ZMYND8: variants seen among roughly 807,000 people sequenced by gnomAD.
ZMYND8 encodes the protein zinc finger MYND-type containing 8, also known as MYND-type zinc finger-containing chromatin reader ZMYND8.
Under a neutral mutation model 140.8 loss-of-function variants are expected in ZMYND8, and 37 were observed. That is an observed-to-expected ratio of 0.26 (90% CI 0.20 to 0.35). ZMYND8 has a LOEUF of 0.35. Ranked by LOEUF, ZMYND8 falls within the 10% of genes least tolerant of loss-of-function variation. The pLI is 1.00. For missense variants in ZMYND8, 1,068 were observed against 1,570.0 expected (o/e 0.68, Z 5.40); for synonymous variants, 592 against 597.1 (o/e 0.99, Z 0.12).
At chr20:47,219,915 C>T (rs2036689999) in intron 21 of ZMYND8, among the ~76,000 whole-genome samples, 3 of 152,064 alleles carry the variant, frequency 2.0e-5, no homozygotes, top group Non-Finnish European at 2.9e-5. Context: ...TGTCATTTAC[C>T]GTTCTCATTT....
At chr20:47,302,852 T>C (rs2078169859) in intron 3 of ZMYND8, among the ~76,000 whole-genome samples, 1 of 152,142 alleles carries the variant, frequency 6.6e-6, no homozygotes, top group Admixed American at 6.6e-5. Flanking sequence ...ATAAGATGAC[T>C]ACTAAAAACC....
At chr20:47,334,705 G>A (rs1602033110) in intron 2 of ZMYND8, among the ~76,000 whole-genome samples, 1 of 151,602 alleles carries the variant, frequency 6.6e-6, no homozygotes, top group East Asian at 1.9e-4. Context: ...CACGTCCCAC[G>A]TTCAAGCAAT....
At chr20:47,212,537 G>T in intron 22 of ZMYND8, 105 bp downstream of exon 22, 6 of 1,308,938 alleles carry the variant, frequency 4.6e-6, no homozygotes, top group Non-Finnish European at 6.6e-6. Context: ...AAGAACAGGA[G>T]AAGACACACC....
chr20:47,348,299 T>G (rs1055410088), intron 1 of ZMYND8: 7 of 280,946 alleles, frequency 2.5e-5, no homozygotes, highest in South Asian at 1.8e-4. Context: ...AGGTTGGAGG[T>G]GTTTTGCAGG....
At chr20:47,228,700 T>C (rs557388963) in intron 17 of ZMYND8, among the ~76,000 whole-genome samples, 28 of 152,238 alleles carry the variant, frequency 1.8e-4, no homozygotes, top group Non-Finnish European at 2.6e-4. Context: ...CCAGGTTGCC[T>C]TCCTGAAGAT....
chr20:47,228,519 G>A (rs945209284), intron 17 of ZMYND8, among the ~76,000 whole-genome samples: 1 of 152,126 alleles, frequency 6.6e-6, no homozygotes, highest in Admixed American at 6.5e-5. Flanking sequence ...TTCTTACAAC[G>A]TATACAAACA....
chr20:47,301,819 T>C (rs760278819), intron 3 of ZMYND8, among the ~76,000 whole-genome samples: 1 of 152,184 alleles, frequency 6.6e-6, no homozygotes, highest in Non-Finnish European at 1.5e-5. Context: ...CACCCAAATC[T>C]CATCTTGAAT....
At chr20:47,313,492 G>T (rs1454076131) in intron 2 of ZMYND8, among the ~76,000 whole-genome samples, 1 of 151,828 alleles carries the variant, frequency 6.6e-6, no homozygotes. Context: ...CGTGGTGGCG[G>T]GCGCCTGTAG....
chr20:47,349,834 T>C (rs2082625853), intron 1 of ZMYND8: 6 of 1,525,740 alleles, frequency 3.9e-6, no homozygotes, highest in African/African-American at 3.1e-5. Flanking sequence ...GAAACAATTA[T>C]GCAGAACTGA....
intron 14 of ZMYND8, among the ~76,000 whole-genome samples, chr20:47,245,023 C>T (rs1481058408): frequency 6.6e-6 from 1 of 151,958 alleles, no homozygotes; most frequent in African/African-American, 2.4e-5. Context: ...TACCATTGTA[C>T]TCCAGCCTGG....
In ZMYND8 at chr20:47,239,104, G is replaced by A; in HGVS notation, c.2319C>T (p.Gly773=). ...VGKTPPSTTV[G]SHSPPETPVL... is the part of the protein sequence containing the mutation. The stretch of plus-strand genomic sequence containing the variant: ...CCGGTGTTTCCGGGGGAGAATGGCT[G>A]CCCACCGTCGTGGATGGTGGAGTTT... The change falls in exon 15 of 23, where the codon GGC becomes GGT. Residue 773 remains glycine, a synonymous_variant. Coordinates refer to ENST00000471951, the MANE Select transcript of ZMYND8 (RefSeq NM_001281775.3). The A allele has an allele frequency of 2.0e-6, 3 of 1,515,022 alleles. No individual in the cohort carries two copies. The highest frequency in any genetic ancestry group is 2.6e-6 in the Non-Finnish European group (3 of 1,135,576). The allele number at this position is 1,515,022 out of a possible 1,614,324, so 93.8% of individuals were successfully genotyped here.
Position 47,283,748 on chromosome 20 carries a change from G to A in ZMYND8, c.805-100C>T. The A allele has an allele frequency of 3.3e-6, 4 of 1,198,838 alleles. No homozygotes were observed. In the South Asian group the frequency reaches 5.2e-5, roughly 16 times the overall value. The allele number at this position is 1,198,838 out of a possible 1,614,324, so 74.3% of individuals were successfully genotyped here. On this transcript the variant is annotated intron_variant, in intron 8 of 22. Coordinates refer to ENST00000471951, the MANE Select transcript of ZMYND8 (RefSeq NM_001281775.3). ...ATTTTGAAGGTTAAGATGTTTTAAAGTCCCATAGAGGGAACACCTTGGAGA... is the reference window on the plus strand; with the variant it reads ...ATTTTGAAGGTTAAGATGTTTTAAAATCCCATAGAGGGAACACCTTGGAGA...
At chr20:47,228,292 G>A (rs1319684551) in intron 17 of ZMYND8, among the ~76,000 whole-genome samples, 1 of 152,140 alleles carries the variant, frequency 6.6e-6, no homozygotes, top group Non-Finnish European at 1.5e-5. Context: ...CCCCACAACA[G>A]AAATTATCTG....
rs2036669464 is a variant in ZMYND8, at chr20:47,219,769, T to G, written c.3484+489A>C. Among the ~76,000 whole-genome samples the G allele has an allele frequency of 3.3e-5, 5 of 152,260 alleles. 1 individual carries two copies. The South Asian group carries it at 1.0e-3, about 32-fold the overall frequency. On this transcript the variant is annotated intron_variant, in intron 21 of 22. Transcript: ENST00000471951. ...TCTCAGAAATTTCCCCAAACCTGCCTGCCAGGTTATTCTCCAAAAGGAAAG... is the reference window on the plus strand; with the variant it reads ...TCTCAGAAATTTCCCCAAACCTGCCGGCCAGGTTATTCTCCAAAAGGAAAG...
intron 9 of ZMYND8, among the ~76,000 whole-genome samples, chr20:47,282,662 T>C (rs2076678364): frequency 6.6e-6 from 1 of 150,986 alleles, no homozygotes; most frequent in African/African-American, 2.4e-5. Flanking sequence ...GAGGTGGAGG[T>C]TGCAGTGAGT....
chr20:47,284,356 A>G (rs2076792896), intron 8 of ZMYND8, among the ~76,000 whole-genome samples: 1 of 152,228 alleles, frequency 6.6e-6, no homozygotes, highest in African/African-American at 2.4e-5. Context: ...GGGATCACAT[A>G]GCAATGTCTA....
chr20:47,253,913 G>A (rs1469118678), intron 12 of ZMYND8, among the ~76,000 whole-genome samples: 2 of 152,234 alleles, frequency 1.3e-5, no homozygotes, highest in Non-Finnish European at 2.9e-5. Context: ...GTAAGCTGCT[G>A]TTATGTTTAT....
intron 14 of ZMYND8, among the ~76,000 whole-genome samples, chr20:47,241,817 T>C (rs1428331098): frequency 6.6e-6 from 1 of 150,640 alleles, no homozygotes; most frequent in Admixed American, 6.6e-5. Flanking sequence ...TCTTTTTCTT[T>C]TCTTTTTTTT....
chr20:47,339,036 G>C (rs1271728456), intron 2 of ZMYND8, among the ~76,000 whole-genome samples: 3 of 147,838 alleles, frequency 2.0e-5, no homozygotes, highest in African/African-American at 5.0e-5. Context: ...GCAGTGGCGT[G>C]ATCTTGGCTC....
Sources: gnomAD v4.1 joint callset for allele counts (sites outside exome capture counted in the v4.1 genomes callset) on GRCh38, gnomAD v4.1.1 for gene constraint, MANE v1.5 for transcripts, NCBI Gene and HGNC (gene_info 2026-07-23, HGNC 2026-07-21) for gene names.